Variants in ZNF226 observed in about 807,000 individuals in gnomAD.
ZNF226 encodes the protein zinc finger protein 226.
In ZNF226, 6 loss-of-function variants were observed where a neutral mutation model predicts 11.4. That is an observed-to-expected ratio of 0.53 (90% confidence interval 0.29 to 1.04). The LOEUF is 1.04. Ranked by LOEUF, ZNF226 falls within the 50% of genes least tolerant of loss-of-function variation. The pLI, the probability that ZNF226 is intolerant of heterozygous loss-of-function variation, is 0.08. For synonymous variants in ZNF226, 350 were observed against 322.8 expected, an observed-to-expected ratio of 1.08 and a Z score of -0.90; for missense variants, 1,058 against 956.5, an observed-to-expected ratio of 1.11 and a Z score of -1.40.
At chr19:44,172,048 A>G (rs1322957532) in intron 3 of ZNF226, 40 bp from the exon 4 acceptor site, 1 of 1,599,662 alleles carries the variant, frequency 6.3e-7, no homozygotes, top group East Asian at 2.3e-5. Context: ...CTTCTAGTGG[A>G]CATTGGTTGT....
intron 5 of ZNF226, chr19:44,173,843 G>GTT (rs1429389420): frequency 6.6e-6 from 1 of 152,106 alleles, no homozygotes; most frequent in Non-Finnish European, 1.5e-5. Flanking sequence ...CTTATATTGT[G>GTT]TGTAAGCACT....
Position 44,177,662 on chromosome 19 carries a change from A to G in ZNF226, c.2400A>G (p.Lys800=), listed in dbSNP as rs1568575643. The G allele has an allele frequency of 2.5e-6, 4 of 1,579,858 alleles. No homozygotes were observed. Among genetic ancestry groups the G allele is most frequent in the Admixed American group, 3.7e-5 (2 of 53,478 alleles). ...KNIRESTQEK[K]SIK is the part of the protein sequence containing the mutation. ...TCAGAGAATCCACACAGGAAAAAAA[A>G]TCTATAAAATGATTCTTTGTGAAGA... Residue 800 remains lysine (K), a synonymous_variant, in exon 6 of 6, where the codon AAA becomes AAG. Transcript: ENST00000337433.
chr19:44,175,878 A>C lies in ZNF226; in HGVS notation c.616A>C (p.Ile206Leu), dbSNP rs551109276. ...TCAATGTAAGAAGGGTGTTGATCCC[A>C]TCGGTTGGATTTCACATCATGATGG... ...LCQCKKGVDP[I>L]GWISHHDGHR... is the part of the protein sequence containing the mutation. Residue 206 changes from isoleucine (I) to leucine (L), a missense_variant, in exon 6 of 6, where the codon ATC becomes CTC. Physicochemically the swap from Ile to Leu is conservative, Grantham distance 5. Transcript: ENST00000337433. The C allele has an allele frequency of 1.4e-5, 22 of 1,612,990 alleles. No homozygotes were observed. The East Asian group carries it at 4.7e-4, about 34-fold the overall frequency.
chr19:44,195,194 C>G, the ZNF226 span, among the ~76,000 whole-genome samples: 3 of 152,144 alleles, frequency 2.0e-5, no homozygotes, highest in Non-Finnish European at 4.4e-5. Flanking sequence ...GTTGCAAGGT[C>G]CTTAATTTAA....
chr19:44,181,989 T>C (rs1263015247), downstream of ZNF226, among the ~76,000 whole-genome samples: 3 of 152,172 alleles, frequency 2.0e-5, no homozygotes, highest in Admixed American at 1.3e-4. Context: ...GAAATAGATA[T>C]GGTTGTAGAT....
At chr19:44,198,647 T>C in the ZNF226 span, among the ~76,000 whole-genome samples, 1 of 152,176 alleles carries the variant, frequency 6.6e-6, no homozygotes, top group Non-Finnish European at 1.5e-5. Context: ...AATCCTGTGT[T>C]TGCATCAAGG....
intron 3 of ZNF226, among the ~76,000 whole-genome samples, chr19:44,171,748 G>A (rs535242551): frequency 6.6e-6 from 1 of 152,258 alleles, no homozygotes; most frequent in African/African-American, 2.4e-5. Context: ...CTGCTCACTT[G>A]GCTCCCACCT....
At chr19:44,191,514 A>G in the ZNF226 span, among the ~76,000 whole-genome samples, 1 of 152,176 alleles carries the variant, frequency 6.6e-6, no homozygotes, top group Admixed American at 6.5e-5. Flanking sequence ...AATAAGCCAA[A>G]TTAGTTTAAC....
At position 44,175,845 on chromosome 19, in the gene ZNF226, A is replaced by G; in HGVS notation, c.583A>G (p.Lys195Glu). ...AGATCAGCAAATTTCCATAAAAAAT[A>G]AATTATGTCAATGTAAGAAGGGTGT... ...NRDQQISIKN[K>E]LCQCKKGVDP... is the part of the protein sequence containing the mutation. The change falls in exon 6 of 6, where the codon AAA becomes GAA. Residue 195 changes from lysine (K) to glutamate (E), a missense_variant. Physicochemically the swap from Lys to Glu is moderately conservative, Grantham distance 56. Transcript: ENST00000337433. The G allele has an allele frequency of 6.2e-7, 1 of 1,613,696 alleles. No individual in the cohort carries two copies. The highest frequency in any genetic ancestry group is 8.5e-7 in the Non-Finnish European group (1 of 1,179,788).
rs771726602 is a variant in ZNF226 at position 44,176,559 on chromosome 19, A to T, written c.1297A>T (p.Asn433Tyr). 8.1e-6 allele frequency: 13 copies of T among 1,613,916 alleles called. No individual in the cohort carries two copies. Among genetic ancestry groups the T allele is most frequent in the Non-Finnish European group, 1.1e-5 (13 of 1,179,938 alleles). The part of the protein sequence containing the change: ...ECGKGFICSS[N>Y]LYIHQRVHTG... ...TGGTAAGGGCTTCATTTGTAGCTCA[A>T]ATCTTTACATTCATCAGAGAGTCCA... is the stretch of plus-strand genomic sequence containing the variant. Residue 433 changes from asparagine to tyrosine, a missense_variant, in exon 6 of 6, where the codon AAT becomes TAT. Transcript: ENST00000337433.
chr19:44,166,634 G>A (rs901385185), intron 2 of ZNF226: 1 of 152,066 alleles, frequency 6.6e-6, no homozygotes, highest in Non-Finnish European at 1.5e-5. Flanking sequence ...ATGACCTTAG[G>A]GTATAAAGAT....
Position 44,175,998 on chromosome 19 carries a change from C to T in ZNF226, c.736C>T (p.His246Tyr), listed in dbSNP as rs759409614. ...GACATTTGATCACAATAGCATGATT[C>T]ACACAGGACAGAAATCGTACCAGTG... ...ILTFDHNSMI[H>Y]TGQKSYQCNE... The change falls in exon 6 of 6, where the codon CAC becomes TAC. Residue 246 changes from histidine to tyrosine, a missense_variant. Coordinates refer to ENST00000337433, the MANE Select transcript of ZNF226 (RefSeq NM_001032373.2). The T allele has an allele frequency of 1.1e-5, 18 of 1,613,740 alleles. No homozygotes were observed. Among genetic ancestry groups the T allele is most frequent in the Admixed American group, 5.0e-5 (3 of 59,996 alleles).
intron 5 of ZNF226, chr19:44,173,247 G>A: frequency 4.4e-6 from 2 of 457,218 alleles, no homozygotes; most frequent in East Asian, 3.3e-5. Flanking sequence ...AGTCTTACAC[G>A]GTGTGCTTTT....
downstream of ZNF226, among the ~76,000 whole-genome samples, chr19:44,179,240 C>T (rs754731232): frequency 1.1e-4 from 16 of 152,072 alleles, no homozygotes; most frequent in South Asian, 2.1e-4. Context: ...TGCATCTAAT[C>T]GTGAGTCTGT....
intron 5 of ZNF226, 186 bp from the exon 6 acceptor site, chr19:44,175,312 C>T: frequency 1.4e-6 from 2 of 1,401,490 alleles, no homozygotes; most frequent in South Asian, 1.7e-5. Context: ...CTTGGTGGAC[C>T]ATCTCTTGGT....
chr19:44,177,632 G>T lies in ZNF226; in HGVS notation c.2370G>T (p.Lys790Asn). 1 of 1,604,024 alleles carries T rather than the reference G, an allele frequency of 6.2e-7. No homozygotes were observed. The change falls in exon 6 of 6, where the codon AAG (lysine) becomes AAT (asparagine). Residue 790 changes from lysine (K) to asparagine (N), a missense_variant. By Grantham distance (94) the Lys-to-Asn change is moderately conservative. Coordinates refer to ENST00000337433, the MANE Select transcript of ZNF226 (RefSeq NM_001032373.2). ...DKSYKSNRGG[K>N]NIRESTQEKK... Reference sequence around the variant, plus strand: ...CCTATAAAAGTAATAGGGGTGGTAAGAACATCAGAGAATCCACACAGGAAA... The same window carrying T: ...CCTATAAAAGTAATAGGGGTGGTAATAACATCAGAGAATCCACACAGGAAA...
intron 5 of ZNF226, chr19:44,174,303 G>A (rs949048087): frequency 6.6e-6 from 1 of 152,176 alleles, no homozygotes; most frequent in Non-Finnish European, 1.5e-5. Context: ...TTCATTCGGG[G>A]AGGGAATATT....
At chr19:44,199,167 G>A in the ZNF226 span, among the ~76,000 whole-genome samples, 90 of 152,012 alleles carry the variant, frequency 5.9e-4, no homozygotes, top group African/African-American at 2.0e-3. Flanking sequence ...CTTTGTTGTT[G>A]TGTTGTTGTT....
At chr19:44,169,810 A>G (rs1221529179) in intron 2 of ZNF226, among the ~76,000 whole-genome samples, 1 of 152,180 alleles carries the variant, frequency 6.6e-6, no homozygotes, top group African/African-American at 2.4e-5. Context: ...CTGGCGTGCA[A>G]TTACAGGCAC....
Sources: allele counts gnomAD v4.1 joint callset (sites outside exome capture counted in the v4.1 genomes callset), GRCh38; gene constraint gnomAD v4.1.1; transcripts MANE v1.5; gene names NCBI Gene and HGNC (gene_info 2026-07-23, HGNC 2026-07-21).